The following MAP2 variants were observed in gnomAD, a reference collection of about 807,000 sequenced individuals.
MAP2 encodes the protein microtubule-associated protein 2.
Under a neutral mutation model 137.6 loss-of-function variants are expected in MAP2, and 14 were observed. That is an observed-to-expected ratio of 0.10 (90% confidence interval 0.07 to 0.16). MAP2 has a LOEUF of 0.16. Among genes scored for constraint, MAP2 ranks in the 10% least tolerant of loss-of-function variants. MAP2 has a pLI of 1.00. For missense variants in MAP2, 2,088 were observed against 2,191.5 expected, an observed-to-expected ratio of 0.95 and a Z score of 0.94; for synonymous variants, 786 against 782.3, an observed-to-expected ratio of 1.00 and a Z score of -0.08.
At chr2:209,627,017 G>A (rs904058466) in intron 4 of MAP2, among the ~76,000 whole-genome samples, 1 of 151,178 alleles carries the variant, frequency 6.6e-6, no homozygotes, top group African/African-American at 2.4e-5. Flanking sequence ...TTTTTTATTT[G>A]GTTTGTAAGG....
At chr2:209,726,684 G>A (rs1230226817) in intron 14 of MAP2, among the ~76,000 whole-genome samples, 1 of 152,138 alleles carries the variant, frequency 6.6e-6, no homozygotes, top group East Asian at 1.9e-4. Context: ...GGATCACTTA[G>A]TTTCAGGAGT....
intron 4 of MAP2, among the ~76,000 whole-genome samples, chr2:209,640,714 T>C (rs926469326): frequency 2.0e-5 from 3 of 152,090 alleles, no homozygotes; most frequent in Non-Finnish European, 4.4e-5. Flanking sequence ...GCAGATCCCA[T>C]AAAGAGAAGG....
intron 2 of MAP2, among the ~76,000 whole-genome samples, chr2:209,551,690 T>C (rs2069200895): frequency 6.6e-6 from 1 of 152,188 alleles, no homozygotes; most frequent in African/African-American, 2.4e-5. Flanking sequence ...CAAGTTTGCA[T>C]GTACCGAAAT....
intron 5 of MAP2, among the ~76,000 whole-genome samples, chr2:209,659,899 G>C (rs534498146): frequency 6.6e-6 from 1 of 152,026 alleles, no homozygotes; most frequent in African/African-American, 2.4e-5. Flanking sequence ...TTAGCCGGGC[G>C]TGGTGGCGGG....
chr2:209,481,685 T>A, intron 1 of MAP2, among the ~76,000 whole-genome samples: 1 of 152,206 alleles, frequency 6.6e-6, no homozygotes, highest in East Asian at 1.9e-4. Context: ...AACTGAGATA[T>A]ACATGACAAC....
intron 1 of MAP2, among the ~76,000 whole-genome samples, chr2:209,428,385 T>C (rs544643419): frequency 1.3e-5 from 2 of 151,262 alleles, no homozygotes; most frequent in South Asian, 2.1e-4. Context: ...AAATTTCTTT[T>C]TTTTTTTTTT....
intron 3 of MAP2, among the ~76,000 whole-genome samples, chr2:209,594,939 A>G (rs2080835659): frequency 6.6e-6 from 1 of 152,170 alleles, no homozygotes; most frequent in Admixed American, 6.5e-5. Flanking sequence ...GTAACAAGTA[A>G]ATGAAGACCT....
intron 13 of MAP2, among the ~76,000 whole-genome samples, chr2:209,720,064 C>T (rs964221844): frequency 5.3e-5 from 8 of 152,012 alleles, no homozygotes; most frequent in African/African-American, 1.9e-4. Flanking sequence ...AAACACAGGC[C>T]TTAAAGTATA....
At chr2:209,435,555 G>A (rs1207310041) in intron 1 of MAP2, among the ~76,000 whole-genome samples, 1 of 151,764 alleles carries the variant, frequency 6.6e-6, no homozygotes, top group African/African-American at 2.4e-5. Context: ...GATGTCCTTA[G>A]TAAGAGATTT....
intron 2 of MAP2, among the ~76,000 whole-genome samples, chr2:209,550,228 C>T (rs1475558126): frequency 6.6e-6 from 1 of 152,130 alleles, no homozygotes; most frequent in Non-Finnish European, 1.5e-5. Context: ...GGCCTCTCCT[C>T]TGGGACCATC....
chr2:209,463,671 C>T (rs867683517), intron 1 of MAP2, among the ~76,000 whole-genome samples: 6 of 152,146 alleles, frequency 3.9e-5, no homozygotes, highest in African/African-American at 1.4e-4. Context: ...AAACTGGAAT[C>T]TAACCTAAAC....
chr2:209,703,286 A>G (rs188419806), intron 11 of MAP2, among the ~76,000 whole-genome samples: 1 of 152,238 alleles, frequency 6.6e-6, no homozygotes, highest in Non-Finnish European at 1.5e-5. Flanking sequence ...AATGTAGATG[A>G]CGTGAAAATA....
intron 1 of MAP2, among the ~76,000 whole-genome samples, chr2:209,472,981 C>T (rs1298818297): frequency 1.3e-5 from 2 of 152,136 alleles, no homozygotes; most frequent in Non-Finnish European, 2.9e-5. Flanking sequence ...GTTTTACATT[C>T]TTCTGATTCT....
intron 13 of MAP2, chr2:209,723,473 T>C: frequency 1.5e-6 from 1 of 653,444 alleles, no homozygotes. Flanking sequence ...TTAGATTTTC[T>C]CTTAAATAAA....
At chr2:209,568,045 C>A (rs1340722457) in intron 2 of MAP2, among the ~76,000 whole-genome samples, 3 of 152,002 alleles carry the variant, frequency 2.0e-5, no homozygotes, top group Non-Finnish European at 2.9e-5. Context: ...TGAATACATT[C>A]TAAATATTCA....
intron 1 of MAP2, among the ~76,000 whole-genome samples, chr2:209,469,521 A>G (rs1209947550): frequency 6.6e-6 from 1 of 152,126 alleles, no homozygotes; most frequent in Non-Finnish European, 1.5e-5. Context: ...GTTAATGATT[A>G]ATGGGCTCTA....
chr2:209,543,972 G>A (rs1338809675), intron 2 of MAP2, among the ~76,000 whole-genome samples: 3 of 152,194 alleles, frequency 2.0e-5, no homozygotes, highest in African/African-American at 7.2e-5. Flanking sequence ...GCTCACGCCT[G>A]TAATCCCAGC....
intron 2 of MAP2, among the ~76,000 whole-genome samples, chr2:209,546,092 G>A (rs1375937454): frequency 2.6e-5 from 4 of 152,226 alleles, no homozygotes; most frequent in South Asian, 2.1e-4. Flanking sequence ...GCGGTAAGCC[G>A]AGATCGCGCC....
At chr2:209,592,984 T>C (rs2079681619) in intron 3 of MAP2, among the ~76,000 whole-genome samples, 1 of 152,092 alleles carries the variant, frequency 6.6e-6, no homozygotes, top group African/African-American at 2.4e-5. Flanking sequence ...TTTTTCCTTT[T>C]TGTCAACTGA....
Sources: allele counts gnomAD v4.1 joint callset (sites outside exome capture counted in the v4.1 genomes callset), GRCh38; gene constraint gnomAD v4.1.1; transcripts MANE v1.5; gene names NCBI Gene and HGNC (gene_info 2026-07-23, HGNC 2026-07-21).